The following NDST4 variants were observed in gnomAD, a reference collection of about 807,000 sequenced individuals.
The protein encoded by NDST4 is N-deacetylase and N-sulfotransferase 4.
In NDST4, 63 loss-of-function variants were observed where a neutral mutation model predicts 100.8. That is an observed-to-expected ratio of 0.62 (90% CI 0.51 to 0.77). The LOEUF (loss-of-function observed/expected upper bound fraction) is 0.77, where lower values mean the gene tolerates loss of function less well. Ranked by LOEUF, NDST4 falls within the 30% of genes least tolerant of loss-of-function variation. The pLI is 0.00. For synonymous variants in NDST4, 377 were observed against 361.8 expected, an observed-to-expected ratio of 1.04 and a Z score of -0.48; for missense variants, 943 against 1,018.4, an observed-to-expected ratio of 0.93 and a Z score of 1.01.
rs118157639 is a variant in NDST4, at chr4:114,917,100, T to C, written c.1536+18106A>G. ...CACATAAAATCATTTGGTATTTGCA[T>C]ATAACCTATGCATATCCTCCCATAT... On this transcript the variant is annotated intron_variant, in intron 6 of 13. Transcript: ENST00000264363. 2.2e-3 allele frequency among the ~76,000 whole-genome samples: 337 copies of C among 152,274 alleles called. 9 individuals carry two copies. In the East Asian group the frequency reaches 0.045, roughly 21 times the overall value.
chr4:114,945,306 G>A (rs193218614), intron 4 of NDST4, among the ~76,000 whole-genome samples: 37 of 151,772 alleles, frequency 2.4e-4, no homozygotes, highest in Non-Finnish European at 5.0e-4. Flanking sequence ...ACAAATCGCT[G>A]GGCAGAAACT....
In NDST4 at chr4:114,833,638, A is replaced by G. The variant is rs770525836; in HGVS notation, c.2364T>C (p.Val788=). ...VMDEVQKFLG[V]TPRYNYSEAL... ...CTTCAGAGTAATTATAACGAGGTGTAACTCCCAGAAACTTCTGGACTTCAT... is the reference window on the plus strand; with the variant it reads ...CTTCAGAGTAATTATAACGAGGTGTGACTCCCAGAAACTTCTGGACTTCAT... The change falls in exon 12 of 14, where the codon GTT becomes GTC. Residue 788 remains valine, a synonymous_variant. Transcript: ENST00000264363. 6.2e-7 allele frequency: 1 copy of G among 1,612,998 alleles called. No individual in the cohort carries two copies. Among genetic ancestry groups the G allele is most frequent in the South Asian group, 1.1e-5 (1 of 90,922 alleles).
chr4:115,089,618 A>G (rs1279044668), intron 1 of NDST4, among the ~76,000 whole-genome samples: 3 of 151,900 alleles, frequency 2.0e-5, no homozygotes, highest in Non-Finnish European at 2.9e-5. Flanking sequence ...AGCCTAATCT[A>G]TATAAAAAGC....
At chr4:114,915,015 G>T (rs527731141) in intron 6 of NDST4, among the ~76,000 whole-genome samples, 69 of 152,048 alleles carry the variant, frequency 4.5e-4, no homozygotes, top group African/African-American at 1.6e-3. Context: ...TATTAAACTG[G>T]CACTATTTTT....
At chr4:115,008,791 T>C (rs547100317) in intron 2 of NDST4, among the ~76,000 whole-genome samples, 3,102 of 128,008 alleles carry the variant, frequency 0.024, 784 homozygotes, top group African/African-American at 0.085. Flanking sequence ...AACCCCATTG[T>C]CTCAGCCCAA....
rs1726108165 is a variant in NDST4, at chr4:114,955,042, T to C, written c.1221+15388A>G. On this transcript the variant is annotated intron_variant, in intron 4 of 13. Transcript: ENST00000264363. ...AAAGCCTGCAGAACCATAAGCCAAT[T>C]GAACCTCTTTTCTTTATAAATTCCC... 2.0e-5 allele frequency among the ~76,000 whole-genome samples: 3 copies of C among 152,292 alleles called. No individual in the cohort carries two copies. In the South Asian group the frequency reaches 6.2e-4, roughly 32 times the overall value.
At chr4:114,891,152 G>A (rs1212880086) in intron 6 of NDST4, among the ~76,000 whole-genome samples, 1 of 152,082 alleles carries the variant, frequency 6.6e-6, no homozygotes, top group East Asian at 1.9e-4. Context: ...TGCCACAAGT[G>A]ATAATAAACT....
rs141868062 is a variant in NDST4 at position 115,089,037 on chromosome 4, T to C, written c.-246-11755A>G. Among the ~76,000 whole-genome samples the C allele has an allele frequency of 2.5e-3, 386 of 152,170 alleles. 4 individuals are homozygous for C. Among genetic ancestry groups the C allele is most frequent in the African/African-American group, 8.4e-3 (349 of 41,564 alleles). On this transcript the variant is annotated intron_variant, in intron 1 of 13. Coordinates refer to ENST00000264363, the MANE Select transcript of NDST4 (RefSeq NM_022569.3). ...ATTGAATCTTCTGCATTTTGTAAAC[T>C]TCCTGCTATTTAATGCACAAAACAA...
intron 2 of NDST4, among the ~76,000 whole-genome samples, chr4:115,071,298 A>T (rs1729073422): frequency 6.6e-6 from 1 of 151,442 alleles, no homozygotes; most frequent in East Asian, 1.9e-4. Flanking sequence ...ACACACACAC[A>T]CACACACACA....
At chr4:115,004,780 T>C (rs1727377529) in intron 2 of NDST4, among the ~76,000 whole-genome samples, 2 of 152,200 alleles carry the variant, frequency 1.3e-5, no homozygotes, top group African/African-American at 4.8e-5. Context: ...TTTTCAGGAC[T>C]AACTGGGCAA....
intron 2 of NDST4, among the ~76,000 whole-genome samples, chr4:115,007,559 G>A (rs2126258850): frequency 6.7e-6 from 1 of 149,100 alleles, no homozygotes; most frequent in East Asian, 2.0e-4. Flanking sequence ...TAAGAGGAAA[G>A]TAGGGTGAGC....
At chr4:114,920,246 A>G (rs1172866097) in intron 6 of NDST4, among the ~76,000 whole-genome samples, 1 of 152,180 alleles carries the variant, frequency 6.6e-6, no homozygotes, top group African/African-American at 2.4e-5. Context: ...ATTTTTCTCA[A>G]TAACTCATAA....
intron 2 of NDST4, among the ~76,000 whole-genome samples, chr4:114,987,455 T>C (rs1486247881): frequency 6.6e-6 from 1 of 152,162 alleles, no homozygotes; most frequent in Non-Finnish European, 1.5e-5. Context: ...CTGTCAGAAA[T>C]GGCTTAAGAT....
intron 7 of NDST4, among the ~76,000 whole-genome samples, chr4:114,856,329 G>A (rs1723792819): frequency 6.6e-6 from 1 of 152,090 alleles, no homozygotes; most frequent in African/African-American, 2.4e-5. Flanking sequence ...CTCCCAAGGT[G>A]CTGGGATTAG....
chr4:114,998,286 C>G (rs1727209347), intron 2 of NDST4, among the ~76,000 whole-genome samples: 1 of 152,116 alleles, frequency 6.6e-6, no homozygotes, highest in Non-Finnish European at 1.5e-5. Context: ...TATCTACAGC[C>G]TCTTCTGGAG....
chr4:114,917,663 G>C (rs1055849057), intron 6 of NDST4, among the ~76,000 whole-genome samples: 1 of 152,112 alleles, frequency 6.6e-6, no homozygotes, highest in Admixed American at 6.6e-5. Context: ...GCTTAGTGCT[G>C]TTAAAAATAA....
At chr4:114,898,880 G>A (rs896287625) in intron 6 of NDST4, among the ~76,000 whole-genome samples, 3 of 151,732 alleles carry the variant, frequency 2.0e-5, no homozygotes, top group Non-Finnish European at 4.4e-5. Flanking sequence ...TTTGTACCTT[G>A]TGACCTATAT....
At position 114,929,022 on chromosome 4, in the gene NDST4, A is replaced by G. The variant is rs116104863; in HGVS notation, c.1536+6184T>C. The stretch of plus-strand genomic sequence containing the variant: ...TCTGCCTCTCTCTATATCCCTATCT[A>G]TCTGTCTGTCTGTCTGTCTGTCCGT... On this transcript the variant is annotated intron_variant, in intron 6 of 13. Coordinates refer to ENST00000264363, the MANE Select transcript of NDST4 (RefSeq NM_022569.3). 2.9e-4 allele frequency among the ~76,000 whole-genome samples: 40 copies of G among 139,966 alleles called. No homozygotes were observed. The South Asian group carries it at 4.0e-3, about 14-fold the overall frequency. The allele number at this position is 139,966 out of a possible 152,430, so 91.8% of individuals were successfully genotyped here. A position where few individuals can be genotyped will look rare whatever the true frequency, so the allele number is the denominator to read the frequency against.
intron 2 of NDST4, among the ~76,000 whole-genome samples, chr4:115,000,273 C>T (rs1255480858): frequency 1.3e-5 from 2 of 151,536 alleles, no homozygotes; most frequent in South Asian, 4.2e-4. Context: ...ACATAAATTA[C>T]AATGTAAGAA....
Sources: gnomAD v4.1 joint callset for allele counts (sites outside exome capture counted in the v4.1 genomes callset) on GRCh38, gnomAD v4.1.1 for gene constraint, MANE v1.5 for transcripts, NCBI Gene and HGNC (gene_info 2026-07-23, HGNC 2026-07-21) for gene names.